CSMD1: variants seen among roughly 807,000 people sequenced by gnomAD.
CSMD1 encodes the protein CUB and sushi domain-containing protein 1.
CSMD1 carries 213 observed loss-of-function variants against 417.5 expected under a neutral mutation model. That is an observed-to-expected ratio of 0.51 (90% confidence interval 0.46 to 0.57). The LOEUF is 0.57. CSMD1 is among the 20% of genes least tolerant of loss of function. The pLI, the probability that CSMD1 is intolerant of heterozygous loss-of-function variation, is 0.00. For missense variants in CSMD1, 6,923 were observed against 4,529.7 expected (o/e 1.53, Z -15.17); for synonymous variants, 2,862 against 1,736.8 (o/e 1.65, Z -16.11).
At position 4,417,455 on chromosome 8, in the gene CSMD1, C is replaced by T. The variant is rs150277870; in HGVS notation, c.415+2498G>A. Reference sequence around the variant, plus strand: ...AGATTCTTCTCCTTTCAAGCCAATACATTTCAATTAAAATTTTATGCAGCA... The same window carrying T: ...AGATTCTTCTCCTTTCAAGCCAATATATTTCAATTAAAATTTTATGCAGCA... On this transcript the variant is annotated intron_variant, in intron 3 of 69. Coordinates refer to ENST00000635120, the MANE Select transcript of CSMD1 (RefSeq NM_033225.6). Among the ~76,000 whole-genome samples the T allele has an allele frequency of 6.6e-5, 10 of 152,126 alleles. No individual in the cohort carries two copies. In the East Asian group the frequency reaches 1.7e-3, roughly 26 times the overall value.
chr8:4,011,684 T>C (rs975468612), intron 4 of CSMD1, among the ~76,000 whole-genome samples: 1 of 152,178 alleles, frequency 6.6e-6, no homozygotes, highest in Non-Finnish European at 1.5e-5. Flanking sequence ...AACTACGAAA[T>C]AATTAGAAAG....
intron 20 of CSMD1, among the ~76,000 whole-genome samples, chr8:3,360,200 G>C (rs1353337450): frequency 1.3e-5 from 2 of 152,104 alleles, no homozygotes; most frequent in African/African-American, 2.4e-5. Context: ...ACAAGATTTT[G>C]TACTAAAATT....
At chr8:4,209,889 G>C (rs1307654175) in intron 3 of CSMD1, among the ~76,000 whole-genome samples, 1 of 152,214 alleles carries the variant, frequency 6.6e-6, no homozygotes, top group South Asian at 2.1e-4. Flanking sequence ...GGTAACTTCT[G>C]TGTTGACAGG....
chr8:3,399,607 GA>G, intron 15 of CSMD1, 78 bp from the exon 16 acceptor site: 1 of 1,114,470 alleles, frequency 9.0e-7, no homozygotes, highest in Non-Finnish European at 1.2e-6. Context: ...ATAAAAGCCA[GA>G]ATCTGCTTCT....
At chr8:3,459,509 G>A (rs1374239366) in intron 12 of CSMD1, among the ~76,000 whole-genome samples, 2 of 152,128 alleles carry the variant, frequency 1.3e-5, no homozygotes, top group Non-Finnish European at 2.9e-5. Context: ...GGCAGTCGGA[G>A]ACACGGATGA....
intron 1 of CSMD1, among the ~76,000 whole-genome samples, chr8:4,869,503 G>A (rs1802610340): frequency 6.6e-6 from 1 of 151,948 alleles, no homozygotes; most frequent in South Asian, 2.1e-4. Flanking sequence ...TTAAACTCAA[G>A]GTAGTTGATA....
chr8:3,271,056 C>G (rs1327657339), intron 26 of CSMD1, among the ~76,000 whole-genome samples: 1 of 151,322 alleles, frequency 6.6e-6, no homozygotes, highest in Non-Finnish European at 1.5e-5. Flanking sequence ...ATAGGTATAT[C>G]TCCCAATGCT....
intron 3 of CSMD1, among the ~76,000 whole-genome samples, chr8:4,323,668 A>C (rs992070170): frequency 1.3e-5 from 2 of 152,194 alleles, no homozygotes; most frequent in East Asian, 1.9e-4. Flanking sequence ...TGGACTCTAC[A>C]AACAAGAATT....
intron 7 of CSMD1, among the ~76,000 whole-genome samples, chr8:3,669,095 C>T (rs761096087): frequency 1.3e-4 from 20 of 152,144 alleles, no homozygotes; most frequent in Admixed American, 9.2e-4. Context: ...ATTGTGGAAG[C>T]CATTAACGTA....
At chr8:4,078,885 T>G (rs1585266516) in intron 3 of CSMD1, among the ~76,000 whole-genome samples, 1 of 118,296 alleles carries the variant, frequency 8.5e-6, no homozygotes, top group Non-Finnish European at 1.7e-5. Context: ...AAATTAATAA[T>G]AATAATAATA....
chr8:3,367,127 G>C lies in CSMD1; in HGVS notation c.3020C>G (p.Thr1007Arg), dbSNP rs147113316. The C allele has an allele frequency of 1.9e-6, 3 of 1,613,724 alleles. No individual in the cohort carries two copies. Among genetic ancestry groups the C allele is most frequent in the South Asian group, 2.2e-5 (2 of 91,018 alleles). The change falls in exon 20 of 70, where the codon ACG becomes AGG. Residue 1007 changes from threonine to arginine, a missense_variant. Thr to Arg is a moderately conservative substitution (Grantham distance 71, BLOSUM62 -1). Transcript: ENST00000635120. ...GTTTCCAAACAGGCCTGCCTTGATC[G>C]TATGAGGCAACACCGACCCGGTGAG... ...ARLTGSVLPH[T>R]IKAGLFGNFT...
intron 49 of CSMD1, among the ~76,000 whole-genome samples, chr8:3,061,998 C>G (rs1167299540): frequency 6.6e-6 from 1 of 152,152 alleles, no homozygotes; most frequent in Non-Finnish European, 1.5e-5. Context: ...TGGGCTACAC[C>G]TGACTTATTT....
intron 10 of CSMD1, among the ~76,000 whole-genome samples, chr8:3,554,864 G>A (rs537078051): frequency 6.6e-6 from 1 of 152,244 alleles, no homozygotes; most frequent in East Asian, 2.0e-4. Flanking sequence ...CAGCAGGCAG[G>A]GAGCCCCCTG....
chr8:4,051,885 T>TC (rs1563058835), intron 3 of CSMD1, among the ~76,000 whole-genome samples: 5 of 59,476 alleles, frequency 8.4e-5, no homozygotes, highest in Non-Finnish European at 1.5e-4. Context: ...CCTTTCTTCC[T>TC]TCCTTCCTTC....
At chr8:3,796,611 G>T (rs75297283) in intron 5 of CSMD1, among the ~76,000 whole-genome samples, 1 of 146,440 alleles carries the variant, frequency 6.8e-6, no homozygotes, top group African/African-American at 2.5e-5. Flanking sequence ...ATAATGTATA[G>T]ATGTATAGAT....
chr8:4,068,869 G>A (rs1294293818), intron 3 of CSMD1, among the ~76,000 whole-genome samples: 4 of 152,052 alleles, frequency 2.6e-5, no homozygotes, highest in Non-Finnish European at 5.9e-5. Context: ...ATCTAGTTAG[G>A]CACTGCATTA....
intron 3 of CSMD1, among the ~76,000 whole-genome samples, chr8:4,107,787 G>A (rs542999301): frequency 6.6e-6 from 1 of 152,200 alleles, no homozygotes; most frequent in Non-Finnish European, 1.5e-5. Context: ...ACCACCTGCT[G>A]TTAATAACTG....
rs74936343 is a variant in CSMD1 at position 4,441,712 on chromosome 8, G to A, written c.303-21647C>T. Among the ~76,000 whole-genome samples the A allele has an allele frequency of 9.3e-3, 1,410 of 152,124 alleles. 20 individuals are homozygous for A. The highest frequency in any genetic ancestry group is 0.032 in the African/African-American group (1,337 of 41,516). On this transcript the variant is annotated intron_variant, in intron 2 of 69. Coordinates refer to ENST00000635120, the MANE Select transcript of CSMD1 (RefSeq NM_033225.6). ...TTCAAATACCAATTAAAACGTTTGAGGTACAGGAGATAAATGAAAATTTTT... is the reference window on the plus strand; with the variant it reads ...TTCAAATACCAATTAAAACGTTTGAAGTACAGGAGATAAATGAAAATTTTT...
At chr8:3,265,158 A>G (rs1049971935) in intron 26 of CSMD1, among the ~76,000 whole-genome samples, 1 of 152,172 alleles carries the variant, frequency 6.6e-6, no homozygotes, top group Non-Finnish European at 1.5e-5. Context: ...TATTTAAGGA[A>G]TTTACACTCT....
Sources: allele counts gnomAD v4.1 joint callset (sites outside exome capture counted in the v4.1 genomes callset), GRCh38; gene constraint gnomAD v4.1.1; transcripts MANE v1.5; gene names NCBI Gene and HGNC (gene_info 2026-07-23, HGNC 2026-07-21).